Variants in RIPOR2 observed in about 807,000 individuals in gnomAD.
RIPOR2 encodes the protein rho family-interacting cell polarization regulator 2.
Under a neutral mutation model 114.5 loss-of-function variants are expected in RIPOR2, and 39 were observed. The ratio of observed to expected loss-of-function variants is 0.34; its 90% CI spans 0.26 to 0.44. RIPOR2 has a LOEUF of 0.44. Among genes scored for constraint, RIPOR2 ranks in the 20% least tolerant of loss-of-function variants. The pLI, the probability that RIPOR2 is intolerant of heterozygous loss-of-function variation, is 1.00. For missense variants in RIPOR2, 1,007 were observed against 1,255.1 expected, an observed-to-expected ratio of 0.80 and a Z score of 2.99; for synonymous variants, 445 against 484.4, an observed-to-expected ratio of 0.92 and a Z score of 1.07.
intron 1 of RIPOR2, among the ~76,000 whole-genome samples, chr6:24,943,345 G>GT (rs933049221): frequency 2.6e-5 from 4 of 152,134 alleles, no homozygotes; most frequent in Non-Finnish European, 4.4e-5. Flanking sequence ...CTGTTGTGGG[G>GT]TAGGGGGAGC....
upstream of RIPOR2, chr6:25,042,072 AG>A (rs1777479422): frequency 2.0e-6 from 1 of 509,314 alleles, no homozygotes; most frequent in Non-Finnish European, 3.4e-6. Context: ...AAAAAAAAAA[AG>A]AGTATTTGAG....
At chr6:25,003,144 T>C (rs941909242) in intron 1 of RIPOR2, among the ~76,000 whole-genome samples, 1 of 152,280 alleles carries the variant, frequency 6.6e-6, no homozygotes, top group Middle Eastern at 3.4e-3. Context: ...GATTGGTGAG[T>C]CACTTCTCGA....
At chr6:25,021,503 T>C (rs550093752) in intron 1 of RIPOR2, among the ~76,000 whole-genome samples, 7 of 152,294 alleles carry the variant, frequency 4.6e-5, no homozygotes, top group South Asian at 2.1e-4. Context: ...CTGGGTGAGA[T>C]TGGAGACTAT....
chr6:24,985,794 C>G (rs913516044), intron 1 of RIPOR2, among the ~76,000 whole-genome samples: 1 of 131,278 alleles, frequency 7.6e-6, no homozygotes, highest in African/African-American at 2.6e-5. Flanking sequence ...ACTAGATTTA[C>G]TGATAGCAGT....
intron 1 of RIPOR2, among the ~76,000 whole-genome samples, chr6:24,885,418 G>C (rs533657666): frequency 6.6e-6 from 1 of 151,992 alleles, no homozygotes; most frequent in African/African-American, 2.4e-5. Flanking sequence ...AAGACGAGAT[G>C]TTGCTATGCT....
intron 1 of RIPOR2, among the ~76,000 whole-genome samples, chr6:25,022,568 T>TTTTTTTTTTTTTTTTTTA (rs1776384246): frequency 9.8e-6 from 1 of 102,248 alleles, no homozygotes; most frequent in Non-Finnish European, 1.9e-5. Context: ...TTTTTTTTTT[T>TTTTTTTTTTTTTTTTTTA]AGACAGGTTC....
In RIPOR2 at chr6:24,865,414, G is replaced by A. The variant is rs772462076; in HGVS notation, c.538C>T (p.Arg180Cys). ...ELYEAYCIQR[R>C]LQDGASKMKQ... is the part of the protein sequence containing the mutation. ...ATTTTGCTGGCACCATCCTGGAGGC[G>A]TCGCTGGATACAATAAGCTTCATAG... The change falls in exon 7 of 22, where the codon CGC becomes TGC. Residue 180 changes from arginine to cysteine, a missense_variant. Coordinates refer to ENST00000643898, the MANE Select transcript of RIPOR2 (RefSeq NM_001286445.3). 12 of 1,613,212 alleles carry A rather than the reference G, an allele frequency of 7.4e-6. No homozygotes were observed. Among genetic ancestry groups the A allele is most frequent in the South Asian group, 6.6e-5 (6 of 90,970 alleles).
chr6:24,846,237 C>A (rs1334878288), intron 12 of RIPOR2, among the ~76,000 whole-genome samples: 1 of 151,762 alleles, frequency 6.6e-6, no homozygotes, highest in African/African-American at 2.4e-5. Flanking sequence ...TGTATTTCCC[C>A]CATACAATCT....
intron 7 of RIPOR2, among the ~76,000 whole-genome samples, chr6:24,863,378 C>G (rs1764276896): frequency 6.6e-6 from 1 of 152,214 alleles, no homozygotes; most frequent in Non-Finnish European, 1.5e-5. Flanking sequence ...GGTCATGATG[C>G]CATGCCCTGG....
chr6:24,923,498 A>C (rs1306865236), intron 1 of RIPOR2, among the ~76,000 whole-genome samples: 1 of 152,102 alleles, frequency 6.6e-6, no homozygotes, highest in Non-Finnish European at 1.5e-5. Flanking sequence ...AAAGTGGCCG[A>C]GAGTTTCCTA....
intron 15 of RIPOR2, 109 bp from the exon 16 acceptor site, chr6:24,832,500 C>A (rs565431568): frequency 5.4e-6 from 5 of 934,538 alleles, no homozygotes; most frequent in Non-Finnish European, 8.0e-6. Context: ...TAAACTCATG[C>A]GATGTTTTTC....
chr6:25,005,737 A>ATATATATATATATATG (rs1554130548), intron 1 of RIPOR2, among the ~76,000 whole-genome samples: 2 of 120,138 alleles, frequency 1.7e-5, no homozygotes, highest in Non-Finnish European at 3.6e-5. Context: ...ATATATATAT[A>ATATATATATATATATG]TATACATTTA....
At chr6:25,011,056 A>G (rs78783771) in intron 1 of RIPOR2, among the ~76,000 whole-genome samples, 334 of 152,242 alleles carry the variant, frequency 2.2e-3, no homozygotes, top group African/African-American at 7.4e-3. Context: ...TTCCCATGTT[A>G]CTTCATCCTG....
At chr6:24,830,441 C>G (rs553905402) in intron 17 of RIPOR2, 68 bp downstream of exon 17, 14 of 1,383,604 alleles carry the variant, frequency 1.0e-5, no homozygotes, top group Non-Finnish European at 1.4e-5. Flanking sequence ...CCCTCTCCCC[C>G]GACCCCCACC....
chr6:24,956,342 G>GT (rs1249915068), intron 1 of RIPOR2, among the ~76,000 whole-genome samples: 3 of 151,990 alleles, frequency 2.0e-5, no homozygotes, highest in African/African-American at 7.2e-5. Context: ...GATTTTTTAG[G>GT]TTAAAAATAA....
chr6:24,870,037 A>T (rs1249326448), intron 5 of RIPOR2, among the ~76,000 whole-genome samples: 1 of 152,222 alleles, frequency 6.6e-6, no homozygotes, highest in Non-Finnish European at 1.5e-5. Flanking sequence ...AAAGGCATGG[A>T]GCAGCACCGT....
At chr6:24,850,421 G>T (rs1004879389) in intron 10 of RIPOR2, among the ~76,000 whole-genome samples, 176 bp downstream of exon 10, 3 of 152,098 alleles carry the variant, frequency 2.0e-5, no homozygotes, top group Non-Finnish European at 4.4e-5. Flanking sequence ...TTTCAAAAGT[G>T]TATCTTAGAT....
intron 1 of RIPOR2, among the ~76,000 whole-genome samples, chr6:24,893,479 C>A (rs1767564497): frequency 6.6e-6 from 1 of 152,168 alleles, no homozygotes; most frequent in African/African-American, 2.4e-5. Context: ...CTCCTCAGGT[C>A]TCTGTGCAGA....
At chr6:24,912,568 T>A (rs1221297946) in intron 1 of RIPOR2, among the ~76,000 whole-genome samples, 1 of 151,766 alleles carries the variant, frequency 6.6e-6, no homozygotes, top group Non-Finnish European at 1.5e-5. Context: ...TGTGTAGAGA[T>A]GGATGGTTCC....
Sources: allele counts gnomAD v4.1 joint callset (sites outside exome capture counted in the v4.1 genomes callset), GRCh38; gene constraint gnomAD v4.1.1; transcripts MANE v1.5; gene names NCBI Gene and HGNC (gene_info 2026-07-23, HGNC 2026-07-21).